Variants in NKD1 observed in about 807,000 individuals in gnomAD.
NKD1 encodes the protein protein naked cuticle homolog 1.
In NKD1, 21 loss-of-function variants were observed where a neutral mutation model predicts 56.0. That is an observed-to-expected ratio of 0.38 (90% CI 0.27 to 0.54). The LOEUF (loss-of-function observed/expected upper bound fraction) is 0.54. Ranked by LOEUF, NKD1 falls within the 20% of genes least tolerant of loss-of-function variation. The probability of loss-of-function intolerance (pLI) is 0.82; values close to 1 mark genes in which losing one functional copy is unlikely to be tolerated. For missense variants in NKD1, 578 were observed against 642.7 expected (o/e 0.90, Z 1.09); for synonymous variants, 263 against 265.7 (o/e 0.99, Z 0.10).
In NKD1 at chr16:50,623,640, G is replaced by A. The variant is rs933628084; in HGVS notation, c.367-1845G>A. 7.2e-5 allele frequency among the ~76,000 whole-genome samples: 11 copies of A among 151,994 alleles called. No individual in the cohort carries two copies. The highest frequency in any genetic ancestry group is 1.5e-4 in the Non-Finnish European group (10 of 68,008). On this transcript the variant is annotated intron_variant, in intron 5 of 9. Coordinates refer to ENST00000268459, the MANE Select transcript of NKD1 (RefSeq NM_033119.5). The surrounding 1 kb of genome is among the most constrained non-coding windows in gnomAD (Gnocchi z 4.1). Reference sequence around the variant, plus strand: ...GGTGTGGGAGAGGCCTAGGAGACCCGCATGTGACAGGTGGGACAAGTGGCC... The same window carrying A: ...GGTGTGGGAGAGGCCTAGGAGACCCACATGTGACAGGTGGGACAAGTGGCC...
At position 50,625,497 on chromosome 16, in the gene NKD1, G is replaced by A. The variant is rs375204027; in HGVS notation, c.379G>A (p.Asp127Asn). The A allele has an allele frequency of 2.9e-5, 47 of 1,611,534 alleles. No individual in the cohort carries two copies. The highest frequency in any genetic ancestry group is 4.0e-5 in the African/African-American group (3 of 74,900). ...TCTCTGCATCCAGGAGCTCCAGTGC[G>A]ACGTGTCCATGGAGGAGGACAGCCG... Reference protein sequence around the residue: ...KQLKFEELQCDVSMEEDSRQE... With the variant: ...KQLKFEELQCNVSMEEDSRQE... The change falls in exon 6 of 10, where the codon GAC (aspartate) becomes AAC (asparagine). Residue 127 changes from aspartate to asparagine, a missense_variant. Coordinates refer to ENST00000268459, the MANE Select transcript of NKD1 (RefSeq NM_033119.5).
At chr16:50,551,974 C>G (rs761263086) in intron 3 of NKD1, 3 of 152,082 alleles carry the variant, frequency 2.0e-5, no homozygotes, top group Non-Finnish European at 4.4e-5. Context: ...CCTCTGGTGC[C>G]GAAGGGGTAG....
At position 50,638,952 on chromosome 16, in the gene NKD1, A is replaced by G. The variant is rs1962525339; in HGVS notation, c.*5171A>G. ...GCCCATGAGCCTGGCACAGATCCCT[A>G]TCTAGACATGAGGCCCTTTAGACAT... On this transcript the variant is annotated 3_prime_UTR_variant, in exon 10 of 10. Transcript: ENST00000268459. 1 of 152,200 alleles carries G rather than the reference A, an allele frequency of 6.6e-6. No homozygotes were observed. Among genetic ancestry groups the G allele is most frequent in the Non-Finnish European group, 1.5e-5 (1 of 68,056 alleles). 9.4% of individuals were successfully genotyped at this position (152,200 alleles called of 1,614,324 possible).
intron 3 of NKD1, among the ~76,000 whole-genome samples, chr16:50,570,483 A>T (rs1384205096): frequency 6.6e-6 from 1 of 152,214 alleles, no homozygotes; most frequent in Non-Finnish European, 1.5e-5. Flanking sequence ...GGCCCCAGAG[A>T]TAGCCAGGAC....
intron 3 of NKD1, chr16:50,562,239 T>G (rs975759851): frequency 2.1e-6 from 2 of 935,818 alleles, no homozygotes; most frequent in Non-Finnish European, 2.5e-6. Flanking sequence ...GCAAAGCAAC[T>G]GCAAAACATT....
chr16:50,576,698 A>G (rs1015081089), intron 3 of NKD1, among the ~76,000 whole-genome samples: 5 of 149,968 alleles, frequency 3.3e-5, no homozygotes, highest in Admixed American at 3.3e-4. Context: ...AGTTGTATGT[A>G]TTAAATAAGT....
intron 3 of NKD1, among the ~76,000 whole-genome samples, chr16:50,550,937 T>G (rs557541635): frequency 6.6e-6 from 1 of 152,188 alleles, no homozygotes; most frequent in Non-Finnish European, 1.5e-5. Flanking sequence ...TGACATTTAT[T>G]TGCAGTCCCT....
chr16:50,618,540 G>A (rs1256562760), intron 4 of NKD1, among the ~76,000 whole-genome samples: 1 of 152,242 alleles, frequency 6.6e-6, no homozygotes, highest in Non-Finnish European at 1.5e-5. Flanking sequence ...ATATGTGGAT[G>A]AGGCCTGGCG....
intron 4 of NKD1, 145 bp downstream of exon 4, chr16:50,608,505 A>G: frequency 6.0e-6 from 3 of 503,834 alleles, no homozygotes; most frequent in Non-Finnish European, 1.2e-5. Flanking sequence ...GGTGGACTAG[A>G]GGGTGGGATG....
chr16:50,594,909 C>T (rs1263161202), intron 3 of NKD1, among the ~76,000 whole-genome samples: 2 of 152,228 alleles, frequency 1.3e-5, no homozygotes, highest in African/African-American at 4.8e-5. Flanking sequence ...TCTGTGAGCA[C>T]CTCGTGGGAG....
At chr16:50,628,882 G>A (rs1962280223) in intron 6 of NKD1, among the ~76,000 whole-genome samples, 1 of 151,972 alleles carries the variant, frequency 6.6e-6, no homozygotes, top group Non-Finnish European at 1.5e-5. Context: ...GTGAGGGCTC[G>A]CTTCCTGGCT....
chr16:50,559,720 G>A (rs1960582255), intron 3 of NKD1, among the ~76,000 whole-genome samples: 1 of 152,110 alleles, frequency 6.6e-6, no homozygotes, highest in African/African-American at 2.4e-5. Flanking sequence ...GGAAGAGGTA[G>A]GGAGGAGAAC....
intron 2 of NKD1, 98 bp from the exon 3 acceptor site, chr16:50,549,324 G>A: frequency 1.4e-6 from 2 of 1,465,582 alleles, no homozygotes; most frequent in South Asian, 2.6e-5. Context: ...CCCGTGCCGT[G>A]GTCCTTCGCC....
At chr16:50,566,173 T>C (rs531785025) in intron 3 of NKD1, 11 of 985,274 alleles carry the variant, frequency 1.1e-5, no homozygotes, top group Middle Eastern at 5.2e-4. Flanking sequence ...GTTGGGACCT[T>C]TTGGATTTCA....
At chr16:50,595,766 A>G (rs535384797) in intron 3 of NKD1, among the ~76,000 whole-genome samples, 2 of 152,054 alleles carry the variant, frequency 1.3e-5, no homozygotes, top group South Asian at 2.1e-4. Context: ...AGTGGCCTCA[A>G]ACCTTCCATG....
intron 3 of NKD1, among the ~76,000 whole-genome samples, chr16:50,603,181 C>T (rs751698010): frequency 1.3e-5 from 2 of 152,178 alleles, no homozygotes; most frequent in South Asian, 4.1e-4. Context: ...AAATGGAGGC[C>T]GGAGAAATTA....
rs1423081416 is a variant in NKD1 at position 50,623,230 on chromosome 16, C to A, written c.366+1522C>A. Among the ~76,000 whole-genome samples, 2 of 151,370 alleles carry A rather than the reference C, an allele frequency of 1.3e-5. No homozygotes were observed. Among genetic ancestry groups the A allele is most frequent in the Non-Finnish European group, 2.9e-5 (2 of 67,848 alleles). On this transcript the variant is annotated intron_variant, in intron 5 of 9. Coordinates refer to ENST00000268459, the MANE Select transcript of NKD1 (RefSeq NM_033119.5). This position sits in a 1 kb window ranked among gnomAD's most constrained non-coding sequence, Gnocchi z 4.1. ...GCAGGGTCTCTGGTGACCGATCTTA[C>A]CCCCTTTCCAGTGTCATCTCCCTGC... is the stretch of plus-strand genomic sequence containing the variant.
chr16:50,580,418 A>G (rs1961092663), intron 3 of NKD1, among the ~76,000 whole-genome samples: 1 of 152,238 alleles, frequency 6.6e-6, no homozygotes, highest in African/African-American at 2.4e-5. Context: ...CAACTGGCAT[A>G]ATAGCAGGTA....
intron 3 of NKD1, among the ~76,000 whole-genome samples, chr16:50,564,176 C>T (rs894360468): frequency 7.9e-5 from 12 of 152,254 alleles, no homozygotes; most frequent in East Asian, 5.8e-4. Flanking sequence ...CCTGGCTGGC[C>T]GCAGCCATGG....
Sources: gnomAD v4.1 joint callset for allele counts (sites outside exome capture counted in the v4.1 genomes callset) on GRCh38, gnomAD v4.1.1 for gene constraint, Gnocchi (gnomAD v3.1) non-coding constraint, MANE v1.5 for transcripts, NCBI Gene and HGNC (gene_info 2026-07-23, HGNC 2026-07-21) for gene names.